Variants in FHIP1A observed in about 807,000 individuals in gnomAD.
FHIP1A encodes the protein FHF complex subunit HOOK-interacting protein 1A.
A neutral mutation model predicts 88.6 loss-of-function variants in FHIP1A; 61 were observed. The ratio of observed to expected loss-of-function variants is 0.69; its 90% CI spans 0.56 to 0.85. The LOEUF (loss-of-function observed/expected upper bound fraction) is 0.85. Ranked by LOEUF, FHIP1A falls within the 40% of genes least tolerant of loss-of-function variation. The pLI is 0.00. For missense variants in FHIP1A, 1,154 were observed against 1,273.5 expected (o/e 0.91, Z 1.43); for synonymous variants, 478 against 496.0 (o/e 0.96, Z 0.48).
intron 4 of FHIP1A, among the ~76,000 whole-genome samples, chr4:151,569,829 G>A (rs12502457): frequency 3.1e-3 from 469 of 152,238 alleles, no homozygotes; most frequent in Admixed American, 6.0e-3. Context: ...GTTGCCAGGG[G>A]AGAGACCTTA....
chr4:151,658,251 G>A (rs563239466), intron 13 of FHIP1A, among the ~76,000 whole-genome samples: 1 of 152,316 alleles, frequency 6.6e-6, no homozygotes, highest in South Asian at 2.1e-4. Flanking sequence ...CCAATTACCA[G>A]TATAATAAAC....
chr4:151,504,283 A>G (rs1338903757), intron 3 of FHIP1A, among the ~76,000 whole-genome samples: 3 of 152,112 alleles, frequency 2.0e-5, no homozygotes, highest in African/African-American at 7.2e-5. Flanking sequence ...CCACACTGAG[A>G]TTTTTTTTCC....
chr4:151,461,879 G>A (rs1489616386), intron 2 of FHIP1A, among the ~76,000 whole-genome samples: 2 of 152,192 alleles, frequency 1.3e-5, no homozygotes, highest in Non-Finnish European at 2.9e-5. Flanking sequence ...TATATTGAGG[G>A]TAGGTCAGGC....
intron 2 of FHIP1A, among the ~76,000 whole-genome samples, chr4:151,473,809 A>C (rs1322194467): frequency 2.6e-5 from 4 of 152,168 alleles, no homozygotes; most frequent in African/African-American, 9.7e-5. Flanking sequence ...TAGCATACAA[A>C]GTGATGTTGT....
At chr4:151,455,083 G>A (rs1303263836) in intron 2 of FHIP1A, among the ~76,000 whole-genome samples, 3 of 152,162 alleles carry the variant, frequency 2.0e-5, no homozygotes, top group Non-Finnish European at 2.9e-5. Context: ...ATTTGACTCT[G>A]AAGCTGCTTA....
rs114544119 is a variant in FHIP1A, at chr4:151,647,035, G to A, written c.1417+287G>A. ...TGAAAACGTGTGCTAGCATGTCTTCGGAAACAAGACGGGGGTGAGAGGTGT... is the reference window on the plus strand; with the variant it reads ...TGAAAACGTGTGCTAGCATGTCTTCAGAAACAAGACGGGGGTGAGAGGTGT... On this transcript the variant is annotated intron_variant, in intron 10 of 13. Transcript: ENST00000435205. Among the ~76,000 whole-genome samples the A allele has an allele frequency of 2.9e-3, 438 of 152,242 alleles. 5 individuals are homozygous for A. The highest frequency in any genetic ancestry group is 0.01 in the African/African-American group (417 of 41,532).
At chr4:151,606,557 A>G (rs1735080930) in intron 7 of FHIP1A, among the ~76,000 whole-genome samples, 1 of 152,230 alleles carries the variant, frequency 6.6e-6, no homozygotes, top group Non-Finnish European at 1.5e-5. Flanking sequence ...GGTGAACCAA[A>G]CTAAAAGATA....
chr4:151,569,048 T>G (rs1251959217), intron 4 of FHIP1A, among the ~76,000 whole-genome samples: 1 of 151,984 alleles, frequency 6.6e-6, no homozygotes, highest in African/African-American at 2.4e-5. Flanking sequence ...CTGGGGTGGG[T>G]GAAGAGCAGT....
intron 4 of FHIP1A, among the ~76,000 whole-genome samples, chr4:151,573,415 T>C (rs1299031320): frequency 1.3e-5 from 2 of 152,214 alleles, no homozygotes; most frequent in Non-Finnish European, 2.9e-5. Flanking sequence ...TTAATGAGCG[T>C]GGGCTTTATA....
intron 1 of FHIP1A, among the ~76,000 whole-genome samples, chr4:151,446,930 A>G (rs2126572359): frequency 1.3e-5 from 2 of 152,280 alleles, no homozygotes; most frequent in Middle Eastern, 6.8e-3. Flanking sequence ...TGAGAGCTGT[A>G]GTGTTTTTCT....
chr4:151,656,982 A>G lies in FHIP1A; in HGVS notation c.2869+84A>G. ...ACTGGCCTCAGTTCACAGATGCTGC[A>G]CTGGCTTCTGGATCCTAGAAGCATT... On this transcript the variant is annotated intron_variant, in intron 13 of 13. Transcript: ENST00000435205. The surrounding 1 kb of genome is among the most constrained non-coding windows in gnomAD (Gnocchi z 4.2). The G allele has an allele frequency of 7.5e-7, 1 of 1,336,496 alleles. No individual in the cohort carries two copies. Among genetic ancestry groups the G allele is most frequent in the Non-Finnish European group, 1.0e-6 (1 of 988,866 alleles). The allele number at this position is 1,336,496 out of a possible 1,614,324, so 82.8% of individuals were successfully genotyped here.
chr4:151,459,226 T>C (rs1378460544), intron 2 of FHIP1A, among the ~76,000 whole-genome samples: 1 of 151,884 alleles, frequency 6.6e-6, no homozygotes, highest in East Asian at 1.9e-4. Context: ...CCGGAGTATA[T>C]CTTGACTTTT....
chr4:151,618,060 C>T (rs10026670), intron 7 of FHIP1A, among the ~76,000 whole-genome samples: 48,577 of 152,060 alleles, frequency 0.32, 7,785 homozygotes, highest in Non-Finnish European at 0.33. Flanking sequence ...CTGCCAATTG[C>T]TGGAAGTTTT....
intron 1 of FHIP1A, chr4:151,436,409 C>T (rs919147788): frequency 5.3e-5 from 8 of 152,158 alleles, no homozygotes; most frequent in African/African-American, 1.9e-4. Flanking sequence ...TAAAACAGAT[C>T]GTGTTTCTGT....
intron 6 of FHIP1A, among the ~76,000 whole-genome samples, chr4:151,587,261 A>G (rs558913667): frequency 1.3e-5 from 2 of 152,316 alleles, no homozygotes; most frequent in East Asian, 1.9e-4. Flanking sequence ...TCATTGCAAC[A>G]CAAATTAAAT....
At chr4:151,484,587 T>C (rs906313355) in intron 3 of FHIP1A, among the ~76,000 whole-genome samples, 1 of 152,206 alleles carries the variant, frequency 6.6e-6, no homozygotes, top group Non-Finnish European at 1.5e-5. Flanking sequence ...AAAGGTAGCA[T>C]AACAAGGACC....
At chr4:151,427,566 A>G (rs1224573609) in intron 1 of FHIP1A, among the ~76,000 whole-genome samples, 1 of 152,146 alleles carries the variant, frequency 6.6e-6, no homozygotes, top group Non-Finnish European at 1.5e-5. Flanking sequence ...ATATGTGTTC[A>G]TACAATCTGT....
At chr4:151,419,297 T>C (rs1733024296) in intron 1 of FHIP1A, among the ~76,000 whole-genome samples, 1 of 152,174 alleles carries the variant, frequency 6.6e-6, no homozygotes, top group Non-Finnish European at 1.5e-5. Context: ...GGGACATTGG[T>C]CTTCTCCTGC....
At chr4:151,614,043 G>C (rs1050095079) in intron 7 of FHIP1A, among the ~76,000 whole-genome samples, 6 of 152,016 alleles carry the variant, frequency 3.9e-5, no homozygotes, top group African/African-American at 1.4e-4. Flanking sequence ...CACGCCTGTA[G>C]TCTGAGCTAC....
Sources: allele counts gnomAD v4.1 joint callset (sites outside exome capture counted in the v4.1 genomes callset), GRCh38; gene constraint gnomAD v4.1.1; non-coding constraint Gnocchi (gnomAD v3.1); transcripts MANE v1.5; gene names NCBI Gene and HGNC (gene_info 2026-07-23, HGNC 2026-07-21).